Variants in WLS observed in about 807,000 individuals in gnomAD.
The protein encoded by WLS is Wnt ligand secretion mediator.
In WLS, 23 loss-of-function variants were observed where a neutral mutation model predicts 62.8. That is an observed-to-expected ratio of 0.37 (90% confidence interval 0.26 to 0.52). The LOEUF (loss-of-function observed/expected upper bound fraction) is 0.52, where lower values mean the gene tolerates loss of function less well. Among genes scored for constraint, WLS ranks in the 20% least tolerant of loss-of-function variants. The pLI is 0.92. For missense variants in WLS, 615 were observed against 697.3 expected (o/e 0.88, Z 1.33); for synonymous variants, 246 against 244.1 (o/e 1.01, Z -0.07).
intron 5 of WLS, among the ~76,000 whole-genome samples, chr1:68,151,188 G>A (rs1001987751): frequency 1.3e-5 from 2 of 152,160 alleles, no homozygotes; most frequent in African/African-American, 4.8e-5. Flanking sequence ...TCAAAGTGAG[G>A]GAAGTGGAAA....
intron 1 of WLS, among the ~76,000 whole-genome samples, chr1:68,208,612 G>A (rs897390251): frequency 6.6e-6 from 1 of 152,212 alleles, no homozygotes; most frequent in Non-Finnish European, 1.5e-5. Flanking sequence ...TTAAAGAACA[G>A]AAGTTGTTAG....
intron 1 of WLS, among the ~76,000 whole-genome samples, chr1:68,200,842 T>C (rs990153069): frequency 6.6e-6 from 1 of 152,190 alleles, no homozygotes; most frequent in African/African-American, 2.4e-5. Context: ...TGAGAACTTA[T>C]ATAAAACATA....
At chr1:68,098,841 C>CTA in intron 11 of WLS, 6 of 1,468,918 alleles carry the variant, frequency 4.1e-6, no homozygotes, top group African/African-American at 1.4e-5. Flanking sequence ...GCTCAGGTAA[C>CTA]TATAAAAATT....
Position 68,169,671 on chromosome 1 carries a change from C to T in WLS, c.380-10424G>A, listed in dbSNP as rs568970535. 1.3e-4 allele frequency among the ~76,000 whole-genome samples: 20 copies of T among 152,320 alleles called. 1 individual carries two copies. The highest frequency in any genetic ancestry group is 4.8e-4 in the African/African-American group (20 of 41,572). ...CTGATATGCCGCTTGTTCAGGCCAC[C>T]ATTATCTCCAGCCTCCATGACTAAA... is the stretch of plus-strand genomic sequence containing the variant. On this transcript the variant is annotated intron_variant, in intron 2 of 11. Transcript: ENST00000262348.
At chr1:68,200,113 G>C (rs1250869958) in intron 1 of WLS, among the ~76,000 whole-genome samples, 2 of 152,124 alleles carry the variant, frequency 1.3e-5, no homozygotes, top group African/African-American at 4.8e-5. Flanking sequence ...AAAAAGTAAT[G>C]ACTTAAAGTA....
intron 11 of WLS, chr1:68,098,813 A>G: frequency 6.4e-7 from 1 of 1,571,516 alleles, no homozygotes. Context: ...AATATGTAAC[A>G]TGGAGTTTAG....
intron 2 of WLS, chr1:68,162,610 C>A: frequency 7.4e-7 from 1 of 1,349,592 alleles, no homozygotes. Context: ...GCTCTGAACC[C>A]GTGTGCCTTA....
chr1:68,172,119 C>T (rs1049758926), intron 2 of WLS, among the ~76,000 whole-genome samples: 20 of 149,216 alleles, frequency 1.3e-4, no homozygotes, highest in South Asian at 8.5e-4. Flanking sequence ...ACAATGAGAA[C>T]ACATGGACAC....
chr1:68,126,379 A>C, intron 11 of WLS, 44 bp from the exon 12 acceptor site: 1 of 1,611,448 alleles, frequency 6.2e-7, no homozygotes, highest in Non-Finnish European at 8.5e-7. Flanking sequence ...AGGAGGAAGG[A>C]GAAGCAAGCT....
intron 2 of WLS, among the ~76,000 whole-genome samples, chr1:68,188,861 C>T (rs529479740): frequency 7.9e-5 from 12 of 152,244 alleles, no homozygotes; most frequent in South Asian, 6.2e-4. Flanking sequence ...AGCCAGGAAG[C>T]GAGAGGACTC....
At chr1:68,195,706 CTTTTA>C (rs1336981447) in intron 1 of WLS, among the ~76,000 whole-genome samples, 1 of 152,088 alleles carries the variant, frequency 6.6e-6, no homozygotes, top group African/African-American at 2.4e-5. Context: ...TGGAATCCCT[CTTTTA>C]TGTTTTTCCC....
intron 10 of WLS, chr1:68,141,623 A>G (rs751414016): frequency 1.3e-4 from 20 of 152,152 alleles, no homozygotes; most frequent in Non-Finnish European, 2.5e-4. Flanking sequence ...CCCTCGCATT[A>G]TATTTCATGA....
At chr1:68,192,592 A>G (rs1299208650) in intron 2 of WLS, among the ~76,000 whole-genome samples, 1 of 151,188 alleles carries the variant, frequency 6.6e-6, no homozygotes, top group Admixed American at 6.6e-5. Context: ...CAAAAAAAAA[A>G]GAATAAAAAA....
chr1:68,170,167 T>TC lies in WLS; in HGVS notation c.380-10921_380-10920insG, dbSNP rs200999155. 5.0e-4 allele frequency among the ~76,000 whole-genome samples: 65 copies of TC among 129,606 alleles called. 1 individual carries two copies. The highest frequency in any genetic ancestry group is 1.0e-3 in the Admixed American group (13 of 12,996). The allele number at this position is 129,606 out of a possible 152,430, so 85.0% of individuals were successfully genotyped here. On this transcript the variant is annotated intron_variant, in intron 2 of 11. Transcript: ENST00000262348. ...CAATGCTGGCTACTATTTCTTTTTT[T>TC]TTTTTTTTTTTTTTTGAGATGGAGT...
At chr1:68,170,162 T>TTTTTTCTTTTCTTTTC (rs749310389) in intron 2 of WLS, among the ~76,000 whole-genome samples, 2 of 111,944 alleles carry the variant, frequency 1.8e-5, no homozygotes, top group African/African-American at 6.4e-5. Context: ...TACTATTTCT[T>TTTTTTCTTTTCTTTTC]TTTTTTTTTT....
At chr1:68,118,374 G>A (rs978577876) in intron 11 of WLS, among the ~76,000 whole-genome samples, 1 of 152,148 alleles carries the variant, frequency 6.6e-6, no homozygotes, top group Non-Finnish European at 1.5e-5. Context: ...GTGAGGATGC[G>A]GGCCACAGCC....
At chr1:68,160,984 AC>A (rs1216744326) in intron 2 of WLS, among the ~76,000 whole-genome samples, 1 of 152,232 alleles carries the variant, frequency 6.6e-6, no homozygotes, top group Non-Finnish European at 1.5e-5. Flanking sequence ...CTGACAAGTT[AC>A]CATAAAAAGT....
intron 1 of WLS, among the ~76,000 whole-genome samples, chr1:68,204,185 A>G (rs1308731030): frequency 6.6e-6 from 1 of 151,686 alleles, no homozygotes. Flanking sequence ...AAGAATAATC[A>G]TATTTCCTTC....
chr1:68,134,649 C>T (rs1267957219), intron 11 of WLS, among the ~76,000 whole-genome samples: 2 of 152,192 alleles, frequency 1.3e-5, no homozygotes, highest in Non-Finnish European at 2.9e-5. Flanking sequence ...AGGCATGTCC[C>T]AGTTATAGTC....
Sources: gnomAD v4.1 joint callset for allele counts (sites outside exome capture counted in the v4.1 genomes callset) on GRCh38, gnomAD v4.1.1 for gene constraint, MANE v1.5 for transcripts, NCBI Gene and HGNC (gene_info 2026-07-23, HGNC 2026-07-21) for gene names.